Variants in LAMC1 observed in about 807,000 individuals in gnomAD.
The protein encoded by LAMC1 is laminin subunit gamma-1.
A neutral mutation model predicts 173.6 loss-of-function variants in LAMC1; 38 were observed. The observed-to-expected ratio is 0.22, with a 90% CI of 0.17 to 0.29. LAMC1 has a LOEUF of 0.29. Ranked by LOEUF, LAMC1 falls within the 10% of genes least tolerant of loss-of-function variation. The probability of loss-of-function intolerance (pLI) is 1.00; values close to 1 mark genes in which losing one functional copy is unlikely to be tolerated. For missense variants in LAMC1, 1,824 were observed against 2,051.8 expected (o/e 0.89, Z 2.14); for synonymous variants, 746 against 749.1 (o/e 1.00, Z 0.07).
intron 1 of LAMC1, among the ~76,000 whole-genome samples, chr1:183,026,585 G>C (rs1008900221): frequency 6.6e-6 from 1 of 152,164 alleles, no homozygotes; most frequent in African/African-American, 2.4e-5. Context: ...TTAAAGTACC[G>C]TGACTGTTTT....
chr1:183,094,106 A>G (rs1655634841), intron 1 of LAMC1, among the ~76,000 whole-genome samples: 1 of 151,750 alleles, frequency 6.6e-6, no homozygotes, highest in South Asian at 2.1e-4. Flanking sequence ...AGCTTCTCTC[A>G]CCTCATCTCC....
Position 183,136,511 on chromosome 1 carries a change from A to G in LAMC1, c.4240A>G (p.Ser1414Gly). ...KTREAQQALG[S>G]AAADATEAKN... is the part of the protein sequence containing the mutation. ...CAGAGAAGCCCAGCAGGCCCTGGGC[A>G]GTGCTGCGGCGGATGCCACAGAGGC... Residue 1414 changes from serine (S) to glycine (G), a missense_variant, in exon 25 of 28, where the codon AGT becomes GGT. Physicochemically the swap from Ser to Gly is moderately conservative, Grantham distance 56. Transcript: ENST00000258341. The G allele has an allele frequency of 6.2e-7, 1 of 1,614,158 alleles. No homozygotes were observed. The highest frequency in any genetic ancestry group is 8.5e-7 in the Non-Finnish European group (1 of 1,179,996).
chr1:183,058,860 A>G (rs1161362970), intron 1 of LAMC1, among the ~76,000 whole-genome samples: 2 of 152,214 alleles, frequency 1.3e-5, no homozygotes. Flanking sequence ...AGCTACCTAC[A>G]TGTTTACATG....
chr1:183,025,713 TGAA>T (rs1653669184), intron 1 of LAMC1, among the ~76,000 whole-genome samples: 1 of 152,272 alleles, frequency 6.6e-6, no homozygotes, highest in Admixed American at 6.5e-5. Context: ...TGAATACTCT[TGAA>T]GTCTTATTTT....
At chr1:183,125,298 C>A (rs1656589151) in intron 14 of LAMC1, 99 bp from the exon 15 acceptor site, 3 of 1,328,600 alleles carry the variant, frequency 2.3e-6, no homozygotes, top group South Asian at 1.2e-5. Context: ...AGCTACCAAC[C>A]TGGCAACACA....
At chr1:183,098,386 A>G (rs541908520) in intron 1 of LAMC1, among the ~76,000 whole-genome samples, 51 of 152,306 alleles carry the variant, frequency 3.3e-4, no homozygotes, top group African/African-American at 1.2e-3. Context: ...CTTCTTATTT[A>G]TCCAGACTGG....
At chr1:183,085,220 A>C (rs1275290987) in intron 1 of LAMC1, among the ~76,000 whole-genome samples, 6 of 151,250 alleles carry the variant, frequency 4.0e-5, no homozygotes, top group Admixed American at 6.6e-5. Context: ...TCTGTCTCAA[A>C]AAAAAAAAAA....
Position 183,103,620 on chromosome 1 carries a change from C to T in LAMC1, c.711C>T (p.Ser237=), listed in dbSNP as rs370579780. The T allele has an allele frequency of 1.0e-5, 16 of 1,547,794 alleles. No individual in the cohort carries two copies. The highest frequency in any genetic ancestry group is 1.3e-5 in the Non-Finnish European group (15 of 1,148,770). Residue 237 remains serine, a synonymous_variant, in exon 2 of 28, where the codon AGC becomes AGT. Coordinates refer to ENST00000258341, the MANE Select transcript of LAMC1 (RefSeq NM_002293.4). The stretch of plus-strand genomic sequence containing the variant: ...CCAGCGCCTATAACTTTGACAATAG[C>T]CCTGTGCTGCAGGTAAATTCTCACA... ...GRPSAYNFDN[S]PVLQEWVTAT... is the part of the protein sequence containing the mutation.
chr1:183,121,284 G>T (rs963493268), intron 11 of LAMC1, among the ~76,000 whole-genome samples: 5 of 151,936 alleles, frequency 3.3e-5, no homozygotes, highest in Non-Finnish European at 5.9e-5. Context: ...AAATTAGCCG[G>T]GCATGGTGGC....
chr1:183,024,843 C>T (rs1232956548), intron 1 of LAMC1, among the ~76,000 whole-genome samples: 1 of 152,194 alleles, frequency 6.6e-6, no homozygotes, highest in Non-Finnish European at 1.5e-5. Context: ...TTCCCTTTTG[C>T]TTTCATTCAA....
intron 1 of LAMC1, among the ~76,000 whole-genome samples, chr1:183,093,699 G>T (rs866788463): frequency 6.6e-6 from 1 of 152,018 alleles, no homozygotes; most frequent in South Asian, 2.1e-4. Flanking sequence ...GGTTTCGTGG[G>T]TATCTTCAAC....
chr1:183,080,792 A>G (rs1393142115), intron 1 of LAMC1, among the ~76,000 whole-genome samples: 1 of 151,016 alleles, frequency 6.6e-6, no homozygotes, highest in African/African-American at 2.4e-5. Context: ...TTTTTTTTTC[A>G]ACACAGTCCT....
intron 21 of LAMC1, among the ~76,000 whole-genome samples, 178 bp downstream of exon 21, chr1:183,132,715 G>C (rs1454077817): frequency 6.6e-6 from 1 of 152,152 alleles, no homozygotes; most frequent in Non-Finnish European, 1.5e-5. Context: ...AAGCCACAGA[G>C]ATTTGGTTTG....
intron 1 of LAMC1, among the ~76,000 whole-genome samples, chr1:183,042,752 C>T (rs1000841877): frequency 2.0e-5 from 3 of 152,192 alleles, no homozygotes; most frequent in Non-Finnish European, 4.4e-5. Context: ...GCCTTCACTC[C>T]CTGACTTTAC....
intron 11 of LAMC1, among the ~76,000 whole-genome samples, chr1:183,121,331 CAGG>C (rs1279350226): frequency 5.9e-5 from 9 of 152,064 alleles, no homozygotes; most frequent in African/African-American, 2.2e-4. Context: ...GAGGCTGAGA[CAGG>C]AGAATTGCTT....
At chr1:183,060,074 G>A (rs1654703037) in intron 1 of LAMC1, among the ~76,000 whole-genome samples, 1 of 152,040 alleles carries the variant, frequency 6.6e-6, no homozygotes, top group Non-Finnish European at 1.5e-5. Flanking sequence ...TGAAAGGAGA[G>A]TCCTTTCAAA....
intron 2 of LAMC1, among the ~76,000 whole-genome samples, chr1:183,105,011 C>T (rs1454262677): frequency 6.6e-6 from 1 of 151,166 alleles, no homozygotes; most frequent in African/African-American, 2.4e-5. Flanking sequence ...GCATTCAAAA[C>T]CCACCTGGCC....
At chr1:183,123,084 CT>C in intron 13 of LAMC1, among the ~76,000 whole-genome samples, 1 of 152,300 alleles carries the variant, frequency 6.6e-6, no homozygotes, top group African/African-American at 2.4e-5. Context: ...GATTTCCTCC[CT>C]TTTTCTTCGA....
intron 1 of LAMC1, among the ~76,000 whole-genome samples, chr1:183,087,006 C>T (rs1655445988): frequency 6.6e-6 from 1 of 152,110 alleles, no homozygotes; most frequent in South Asian, 2.1e-4. Context: ...TGTATAAACT[C>T]TTTATTTTAC....
Sources: allele counts gnomAD v4.1 joint callset (sites outside exome capture counted in the v4.1 genomes callset), GRCh38; gene constraint gnomAD v4.1.1; transcripts MANE v1.5; gene names NCBI Gene and HGNC (gene_info 2026-07-23, HGNC 2026-07-21).